PGLS: variants seen among roughly 807,000 people sequenced by gnomAD.
PGLS encodes epididymis secretory protein Li 304.
PGLS carries 21 observed loss-of-function variants against 23.2 expected under a neutral mutation model. The ratio of observed to expected loss-of-function variants is 0.91; its 90% confidence interval spans 0.64 to 1.31. PGLS has a LOEUF of 1.31. Ranked by LOEUF, PGLS falls within the 50% of genes most tolerant of loss-of-function variation. The probability of loss-of-function intolerance (pLI) is 0.00; values close to 1 mark genes in which losing one functional copy is unlikely to be tolerated. For synonymous variants in PGLS, 179 were observed against 165.4 expected, an observed-to-expected ratio of 1.08 and a Z score of -0.63; for missense variants, 410 against 354.0, an observed-to-expected ratio of 1.16 and a Z score of -1.27.
chr19:17,516,802 TG>T (rs2075535252), intron 2 of PGLS, among the ~76,000 whole-genome samples: 1 of 151,330 alleles, frequency 6.6e-6, no homozygotes, highest in Non-Finnish European at 1.5e-5. Flanking sequence ...TTAGCCAGGA[TG>T]GTCTCGATCT....
At chr19:17,512,423 G>C (rs2075513544) in intron 1 of PGLS, 1 of 172,542 alleles carries the variant, frequency 5.8e-6, no homozygotes, top group South Asian at 1.0e-4. Context: ...CAGAGGGAAC[G>C]GCACGGGCAA....
chr19:17,517,415 C>T, intron 3 of PGLS, 26 bp downstream of exon 3: 1 of 1,551,318 alleles, frequency 6.4e-7, no homozygotes, highest in South Asian at 1.1e-5. Context: ...CGGGGTTCCA[C>T]CCTAGTCCTG....
At chr19:17,511,994 G>A (rs1399768034) in intron 1 of PGLS, 34 bp downstream of exon 1, 1 of 1,521,090 alleles carries the variant, frequency 6.6e-7, no homozygotes, top group Non-Finnish European at 8.8e-7. Context: ...GGATCACGCC[G>A]AGAGGGCCAC....
chr19:17,517,609 TG>T, intron 3 of PGLS, 100 bp from the exon 4 acceptor site: 1 of 1,318,000 alleles, frequency 7.6e-7, no homozygotes, highest in Non-Finnish European at 1.1e-6. Flanking sequence ...GTTAGTAGGA[TG>T]GGATGGAACA....
Position 17,516,260 on chromosome 19 carries a change from T to C in PGLS, c.376T>C (p.Tyr126His). 6.2e-7 allele frequency: 1 copy of C among 1,613,866 alleles called. No homozygotes were observed. The highest frequency in any genetic ancestry group is 8.5e-7 in the Non-Finnish European group (1 of 1,179,846). The change falls in exon 2 of 5, where the codon TAC becomes CAC. Residue 126 changes from tyrosine to histidine, a missense_variant. Transcript: ENST00000252603. ...ELPVEEAAED[Y>H]AKKLRQAFQG... ...GCCTGTGGAGGAGGCGGCTGAGGAC[T>C]ACGCCAAGAAGCTGAGACAGGTGAG...
rs375302944 is a variant in PGLS at position 17,520,983 on chromosome 19, G to A, written c.679G>A (p.Ala227Thr). 4.4e-6 allele frequency: 7 copies of A among 1,598,474 alleles called. No homozygotes were observed. In the South Asian group the frequency reaches 4.5e-5, roughly 10 times the overall value. The change falls in exon 5 of 5, where the codon GCC (alanine) becomes ACC (threonine). Residue 227 changes from alanine (A) to threonine (T), a missense_variant. Ala to Thr is a moderately conservative substitution (Grantham distance 58, BLOSUM62 0). Transcript: ENST00000252603. The part of the protein sequence containing the change: ...EDQEENPLPA[A>T]LVQPHTGKLC... ...CCAGGAGGAAAACCCGCTGCCCGCCGCCCTGGTCCAGCCCCACACCGGGAA... is the reference window on the plus strand; with the variant it reads ...CCAGGAGGAAAACCCGCTGCCCGCCACCCTGGTCCAGCCCCACACCGGGAA...
chr19:17,517,470 G>C, intron 3 of PGLS, 81 bp downstream of exon 3: 1 of 1,155,426 alleles, frequency 8.7e-7, no homozygotes, highest in Non-Finnish European at 1.3e-6. Context: ...AGAGCCACCT[G>C]CCGGGTGGGG....
chr19:17,511,859 G>A lies in PGLS; in HGVS notation c.187G>A (p.Ala63Thr). Residue 63 changes from alanine to threonine, a missense_variant, in exon 1 of 5, where the codon GCC becomes ACC. Ala to Thr is a moderately conservative substitution (Grantham distance 58, BLOSUM62 0). Transcript: ENST00000252603. ...AGCCCGCGAGCTACCCGCCGCCGTCGCCCCTGCCGGGCCAGCTAGCTTAGC... is the reference window on the plus strand; with the variant it reads ...AGCCCGCGAGCTACCCGCCGCCGTCACCCCTGCCGGGCCAGCTAGCTTAGC... The part of the protein sequence containing the change: ...MLARELPAAV[A>T]PAGPASLARW... 6.5e-7 allele frequency: 1 copy of A among 1,532,672 alleles called. No homozygotes were observed. The highest frequency in any genetic ancestry group is 8.8e-7 in the Non-Finnish European group (1 of 1,142,328). 94.9% of individuals were successfully genotyped at this position (1,532,672 alleles called of 1,614,324 possible). A position where few individuals can be genotyped will look rare whatever the true frequency, so the allele number is the denominator to read the frequency against.
At position 17,511,684 on chromosome 19, in the gene PGLS, G is replaced by C. The variant is rs771678045; in HGVS notation, c.12G>C (p.Pro4=). 22 of 1,491,628 alleles carry C rather than the reference G, an allele frequency of 1.5e-5. No individual in the cohort carries two copies. The highest frequency in any genetic ancestry group is 1.9e-5 in the Non-Finnish European group (22 of 1,128,858). The allele number at this position is 1,491,628 out of a possible 1,614,324, so 92.4% of individuals were successfully genotyped here. The change falls in exon 1 of 5, where the codon CCG becomes CCC. Residue 4 remains proline (P), a synonymous_variant. Transcript: ENST00000252603. MAA[P]APGLISVFSS... Reference sequence around the variant, plus strand: ...CCGCCGCCCTCGCCATGGCCGCGCCGGCCCCGGGCCTCATCTCGGTGTTCT... The same window carrying C: ...CCGCCGCCCTCGCCATGGCCGCGCCCGCCCCGGGCCTCATCTCGGTGTTCT...
rs780500958 is a variant in PGLS, at chr19:17,511,927, C to A, written c.255C>A (p.Phe85Leu). ...LGFCDERLVPFDHAESTYGLY... is the reference protein window; with the variant it reads ...LGFCDERLVPLDHAESTYGLY... The stretch of plus-strand genomic sequence containing the variant: ...TCTGCGACGAGCGCCTCGTGCCCTT[C>A]GATCACGCCGAGAGCACGTACGGCC... The change falls in exon 1 of 5, where the codon TTC (phenylalanine) becomes TTA (leucine). Residue 85 changes from phenylalanine (F) to leucine (L), a missense_variant. By Grantham distance (22) the Phe-to-Leu change is conservative (BLOSUM62 0). Coordinates refer to ENST00000252603, the MANE Select transcript of PGLS (RefSeq NM_012088.3). The A allele has an allele frequency of 2.6e-6, 4 of 1,549,058 alleles. No homozygotes were observed. In the South Asian group the frequency reaches 4.8e-5, roughly 18 times the overall value.
intron 2 of PGLS, 130 bp downstream of exon 2, chr19:17,516,410 T>A: frequency 6.9e-7 from 1 of 1,440,752 alleles, no homozygotes; most frequent in East Asian, 2.6e-5. Flanking sequence ...CTTTGAGGAA[T>A]CCCCTCTTCG....
intron 3 of PGLS, 118 bp from the exon 4 acceptor site, chr19:17,517,592 T>G (rs1489650543): frequency 1.7e-6 from 2 of 1,191,336 alleles, no homozygotes; most frequent in Admixed American, 1.9e-5. Context: ...CTACCCACCA[T>G]GGGATTGTTA....
chr19:17,513,793 T>G (rs1037646171), intron 1 of PGLS, among the ~76,000 whole-genome samples: 5 of 152,226 alleles, frequency 3.3e-5, no homozygotes, highest in African/African-American at 1.2e-4. Context: ...CACTCCAGCC[T>G]GGGCGACAGT....
At position 17,511,791 on chromosome 19, in the gene PGLS, G is replaced by A. The variant is rs1294009888; in HGVS notation, c.119G>A (p.Arg40His). The A allele has an allele frequency of 4.0e-6, 6 of 1,498,776 alleles. No homozygotes were observed. Among genetic ancestry groups the A allele is most frequent in the Admixed American group, 2.2e-5 (1 of 46,180 alleles). The allele number at this position is 1,498,776 out of a possible 1,614,324, so 92.8% of individuals were successfully genotyped here. Reference protein sequence around the residue: ...AACCLAGARARFALGLSGGSL... With the variant: ...AACCLAGARAHFALGLSGGSL... ...TGCTGCCTGGCAGGGGCCCGCGCCC[G>A]TTTCGCGCTCGGCCTGTCGGGCGGG... is the stretch of plus-strand genomic sequence containing the variant. The change falls in exon 1 of 5, where the codon CGT becomes CAT. Residue 40 changes from arginine (R) to histidine (H), a missense_variant. Physicochemically the swap from Arg to His is conservative, Grantham distance 29. Transcript: ENST00000252603.
At chr19:17,512,079 C>T in intron 1 of PGLS, 119 bp downstream of exon 1, 2 of 1,078,698 alleles carry the variant, frequency 1.9e-6, no homozygotes, top group Non-Finnish European at 1.3e-6. Context: ...GTCTGCACCT[C>T]GGCTACGGGG....
chr19:17,516,510 T>C (rs2075533289), intron 2 of PGLS: 3 of 1,344,762 alleles, frequency 2.2e-6, no homozygotes, highest in Non-Finnish European at 2.9e-6. Context: ...TGGGGAAATA[T>C]GATGGGTATG....
intron 4 of PGLS, 128 bp downstream of exon 4, chr19:17,517,978 A>G (rs1406293854): frequency 1.2e-6 from 1 of 824,370 alleles, no homozygotes. Context: ...TTGGGTTGAA[A>G]GGTAACTTGA....
At chr19:17,512,100 A>G (rs2075510770) in intron 1 of PGLS, 140 bp downstream of exon 1, 2 of 905,322 alleles carry the variant, frequency 2.2e-6, no homozygotes, top group South Asian at 1.8e-5. Context: ...GCCACTGGGT[A>G]TCATGCCAAG....
Position 17,520,990 on chromosome 19 carries a change from T to A in PGLS, c.686T>A (p.Val229Asp). Residue 229 changes from valine to aspartate, a missense_variant, in exon 5 of 5, where the codon GTC becomes GAC. Physicochemically the swap from Val to Asp is radical, Grantham distance 152. Coordinates refer to ENST00000252603, the MANE Select transcript of PGLS (RefSeq NM_012088.3). ...GAAAACCCGCTGCCCGCCGCCCTGG[T>A]CCAGCCCCACACCGGGAAACTGTGC... is the stretch of plus-strand genomic sequence containing the variant. ...QEENPLPAAL[V>D]QPHTGKLCWF... is the part of the protein sequence containing the mutation. 1 of 1,599,734 alleles carries A rather than the reference T, an allele frequency of 6.3e-7. No homozygotes were observed. The highest frequency in any genetic ancestry group is 8.5e-7 in the Non-Finnish European group (1 of 1,172,568).
Sources: allele counts gnomAD v4.1 joint callset (sites outside exome capture counted in the v4.1 genomes callset), GRCh38; gene constraint gnomAD v4.1.1; transcripts MANE v1.5; gene names NCBI Gene and HGNC (gene_info 2026-07-23, HGNC 2026-07-21).